The following PCOLCE variants were observed in gnomAD, a reference collection of about 807,000 sequenced individuals.
PCOLCE encodes procollagen C-endopeptidase enhancer.
In PCOLCE, 33 loss-of-function variants were observed where a neutral mutation model predicts 47.2. That is an observed-to-expected ratio of 0.70 (90% CI 0.53 to 0.93). The LOEUF (loss-of-function observed/expected upper bound fraction) is 0.93. Among genes scored for constraint, PCOLCE ranks in the 40% least tolerant of loss-of-function variants. PCOLCE has a pLI of 0.00. For synonymous variants in PCOLCE, 254 were observed against 252.5 expected (o/e 1.01, Z -0.06); for missense variants, 584 against 585.3 (o/e 1.00, Z 0.02).
Position 100,603,489 on chromosome 7 carries a change from G to A in PCOLCE, c.155G>A (p.Gly52Glu). ...GAATCAGGTTACGTGGCAAGTGAGG[G>A]GTTCCCCAACCTCTACCCCCCTAAT... is the stretch of plus-strand genomic sequence containing the variant. ...KGESGYVASE[G>E]FPNLYPPNKE... is the part of the protein sequence containing the mutation. Residue 52 changes from glycine (G) to glutamate (E), a missense_variant, in exon 2 of 9, where the codon GGG becomes GAG. Physicochemically the swap from Gly to Glu is moderately conservative, Grantham distance 98. Coordinates refer to ENST00000223061, the MANE Select transcript of PCOLCE (RefSeq NM_002593.4). The A allele has an allele frequency of 1.9e-6, 3 of 1,607,068 alleles. No individual in the cohort carries two copies. Among genetic ancestry groups the A allele is most frequent in the African/African-American group, 1.3e-5 (1 of 74,500 alleles).
Position 100,605,589 on chromosome 7 carries a change from G to A in PCOLCE, c.589-87G>A. The A allele has an allele frequency of 6.8e-7, 1 of 1,475,716 alleles. No homozygotes were observed. Among genetic ancestry groups the A allele is most frequent in the South Asian group, 1.3e-5 (1 of 76,450 alleles). The allele number at this position is 1,475,716 out of a possible 1,614,324, so 91.4% of individuals were successfully genotyped here. A position where few individuals can be genotyped will look rare whatever the true frequency, so the allele number is the denominator to read the frequency against. On this transcript the variant is annotated intron_variant, in intron 4 of 8. Coordinates refer to ENST00000223061, the MANE Select transcript of PCOLCE (RefSeq NM_002593.4). This position sits in a 1 kb window ranked among gnomAD's most constrained non-coding sequence, Gnocchi z 6.1. Reference sequence around the variant, plus strand: ...CCAGAGGACGCGGGAGGTGGGAGTGGGAGCTGCTGCAGGCACCCAGTAGGA... The same window carrying A: ...CCAGAGGACGCGGGAGGTGGGAGTGAGAGCTGCTGCAGGCACCCAGTAGGA...
chr7:100,606,545 C>A lies in PCOLCE; in HGVS notation c.855C>A (p.Gly285=). 1.2e-6 allele frequency: 2 copies of A among 1,614,194 alleles called. No homozygotes were observed. The highest frequency in any genetic ancestry group is 1.7e-6 in the Non-Finnish European group (2 of 1,180,000). Reference sequence around the variant, plus strand: ...CTGCCAAAGAAGGGCAAGGGCCCGGCCCCAAACGGGGAACTGAGCCTAAAG... The same window carrying A: ...CTGCCAAAGAAGGGCAAGGGCCCGGACCCAAACGGGGAACTGAGCCTAAAG... ...RGTAKEGQGP[G]PKRGTEPKVK... is the part of the protein sequence containing the mutation. Residue 285 remains glycine, a synonymous_variant, in exon 6 of 9, where the codon GGC becomes GGA. Transcript: ENST00000223061.
In PCOLCE at chr7:100,607,667, G is replaced by A. The variant is rs771099809; in HGVS notation, c.1043G>A (p.Arg348Gln). 9 of 1,613,952 alleles carry A rather than the reference G, an allele frequency of 5.6e-6. No individual in the cohort carries two copies. The highest frequency in any genetic ancestry group is 2.7e-5 in the African/African-American group (2 of 74,882). ...VVTATVKSMV[R>Q]EPGEGLAVTV... ...ACTGCGACAGTGAAGTCCATGGTTCGGGAGCCAGGGGAGGGCCTTGCCGTG... is the reference window on the plus strand; with the variant it reads ...ACTGCGACAGTGAAGTCCATGGTTCAGGAGCCAGGGGAGGGCCTTGCCGTG... Residue 348 changes from arginine (R) to glutamine (Q), a missense_variant, in exon 8 of 9, where the codon CGG becomes CAG. By Grantham distance (43) the Arg-to-Gln change is conservative. Coordinates refer to ENST00000223061, the MANE Select transcript of PCOLCE (RefSeq NM_002593.4).
Position 100,606,500 on chromosome 7 carries a change from C to T in PCOLCE, c.810C>T (p.Tyr270=), listed in dbSNP as rs189524054. The change falls in exon 6 of 9, where the codon TAC becomes TAT. Residue 270 remains tyrosine (Y), a synonymous_variant. Coordinates refer to ENST00000223061, the MANE Select transcript of PCOLCE (RefSeq NM_002593.4). The part of the protein sequence containing the change: ...SVTADGFSAS[Y]KTLPRGTAKE... ...CCGCTGATGGCTTCTCAGCCTCCTA[C>T]AAGACCCTGCCGCGGGGCACTGCCA... 3.5e-5 allele frequency: 56 copies of T among 1,614,180 alleles called. No homozygotes were observed. In the East Asian group the frequency reaches 1.2e-3, roughly 35 times the overall value.
chr7:100,605,422 G>C lies in PCOLCE; in HGVS notation c.588+207G>C. On this transcript the variant is annotated intron_variant, in intron 4 of 8. Transcript: ENST00000223061. This position sits in a 1 kb window ranked among gnomAD's most constrained non-coding sequence, Gnocchi z 6.1. ...AAGTCTCAGGAGAGCGAGGTACAGGGTCCTGGTATAACACGCGGGCCTGTC... is the reference window on the plus strand; with the variant it reads ...AAGTCTCAGGAGAGCGAGGTACAGGCTCCTGGTATAACACGCGGGCCTGTC... 1.5e-6 allele frequency: 1 copy of C among 665,186 alleles called. No homozygotes were observed. The allele number at this position is 665,186 out of a possible 1,614,324, so 41.2% of individuals were successfully genotyped here.
rs1302077070 is a variant in PCOLCE, at chr7:100,605,199, T to C, written c.572T>C (p.Ile191Thr). 6.2e-7 allele frequency: 1 copy of C among 1,612,038 alleles called. No homozygotes were observed. Among genetic ancestry groups the C allele is most frequent in the Non-Finnish European group, 8.5e-7 (1 of 1,179,102 alleles). ...PPGISCSWHI[I>T]APPDQVIALT... ...GGCATCAGCTGTTCCTGGCACATCATCGCGCCCCCGGACCAGGTACCGACC... is the reference window on the plus strand; with the variant it reads ...GGCATCAGCTGTTCCTGGCACATCACCGCGCCCCCGGACCAGGTACCGACC... Residue 191 changes from isoleucine to threonine, a missense_variant, in exon 4 of 9, where the codon ATC becomes ACC. Physicochemically the swap from Ile to Thr is moderately conservative, Grantham distance 89. Transcript: ENST00000223061. This position sits in a 1 kb window ranked among gnomAD's most constrained non-coding sequence, Gnocchi z 6.1.
chr7:100,607,090 C>CAAAAAAA (rs559618495), intron 6 of PCOLCE, among the ~76,000 whole-genome samples: 2 of 105,256 alleles, frequency 1.9e-5, no homozygotes, highest in African/African-American at 3.8e-5. Context: ...GATTCTGTCT[C>CAAAAAAA]AAAAAAAAAA....
chr7:100,606,324 G>A, intron 5 of PCOLCE, 92 bp from the exon 6 acceptor site: 2 of 863,306 alleles, frequency 2.3e-6, no homozygotes, highest in Non-Finnish European at 3.7e-6. Context: ...GTGAGACCCT[G>A]TCTCAAACAA....
intron 2 of PCOLCE, 36 bp downstream of exon 2, chr7:100,603,574 G>T: frequency 2.6e-6 from 3 of 1,153,296 alleles, no homozygotes; most frequent in Middle Eastern, 2.0e-4. Flanking sequence ...CCTTGTTAAA[G>T]TCTCAGAGGC....
chr7:100,603,177 G>A (rs1802643683), intron 1 of PCOLCE: 1 of 392,932 alleles, frequency 2.5e-6, no homozygotes, highest in Non-Finnish European at 4.5e-6. Flanking sequence ...CTGTTGGGGT[G>A]GGGGTGGGGA....
rs1173967818 is a variant in PCOLCE at position 100,605,952 on chromosome 7, C to T, written c.725+140C>T. On this transcript the variant is annotated intron_variant, in intron 5 of 8. Coordinates refer to ENST00000223061, the MANE Select transcript of PCOLCE (RefSeq NM_002593.4). The surrounding 1 kb of genome is among the most constrained non-coding windows in gnomAD (Gnocchi z 6.1). ...ACCGGCGAGGGGAGCAGGTTGGAGG[C>T]CAGGCAAAGAGGAGATTTGGCCCCG... The T allele has an allele frequency of 8.1e-6, 8 of 984,056 alleles. No individual in the cohort carries two copies. Among genetic ancestry groups the T allele is most frequent in the Non-Finnish European group, 8.8e-6 (6 of 682,444 alleles). The allele number at this position is 984,056 out of a possible 1,614,324, so 61.0% of individuals were successfully genotyped here. A position where few individuals can be genotyped will look rare whatever the true frequency, so the allele number is the denominator to read the frequency against.
intron 6 of PCOLCE, 65 bp downstream of exon 6, chr7:100,606,695 C>A: frequency 1.5e-6 from 2 of 1,294,808 alleles, no homozygotes; most frequent in Non-Finnish European, 2.1e-6. Flanking sequence ...AAGTTCTGAC[C>A]TGGGCTGTGG....
At chr7:100,607,884 C>T in intron 8 of PCOLCE, 53 bp from the exon 9 acceptor site, 1 of 1,611,704 alleles carries the variant, frequency 6.2e-7, no homozygotes, top group East Asian at 2.2e-5. Flanking sequence ...ATCTTGAGAC[C>T]TGCTGACAGG....
rs759981784 is a variant in PCOLCE at position 100,603,509 on chromosome 7, C to G, written c.175C>G (p.Pro59Ala). 9 of 1,599,938 alleles carry G rather than the reference C, an allele frequency of 5.6e-6. No individual in the cohort carries two copies. The highest frequency in any genetic ancestry group is 3.4e-5 in the Admixed American group (2 of 58,482). The change falls in exon 2 of 9, where the codon CCT (proline) becomes GCT (alanine). Residue 59 changes from proline to alanine, a missense_variant. Pro to Ala is a conservative substitution (Grantham distance 27). Coordinates refer to ENST00000223061, the MANE Select transcript of PCOLCE (RefSeq NM_002593.4). Reference sequence around the variant, plus strand: ...TGAGGGGTTCCCCAACCTCTACCCCCCTAATAAGGAGTGCATCTGGACCAT... The same window carrying G: ...TGAGGGGTTCCCCAACCTCTACCCCGCTAATAAGGAGTGCATCTGGACCAT... ...ASEGFPNLYP[P>A]NKECIWTITV... is the part of the protein sequence containing the mutation.
intron 1 of PCOLCE, chr7:100,603,159 G>C: frequency 2.7e-6 from 1 of 368,506 alleles, no homozygotes; most frequent in East Asian, 4.8e-5. Flanking sequence ...GGAGGATTCC[G>C]GGAATTCCTG....
At position 100,607,967 on chromosome 7, in the gene PCOLCE, A is replaced by G. The variant is rs1329412732; in HGVS notation, c.1214A>G (p.Glu405Gly). Residue 405 changes from glutamate (E) to glycine (G), a missense_variant, in exon 9 of 9, where the codon GAA becomes GGA. By Grantham distance (98) the Glu-to-Gly change is moderately conservative. Coordinates refer to ENST00000223061, the MANE Select transcript of PCOLCE (RefSeq NM_002593.4). Reference sequence around the variant, plus strand: ...AGTTATCTGCTGATGGGCCAGGTAGAAGAGAACAGAGGCCCCGTCCTTCCT... The same window carrying G: ...AGTTATCTGCTGATGGGCCAGGTAGGAGAGAACAGAGGCCCCGTCCTTCCT... ...GVSYLLMGQVEENRGPVLPPE... is the reference protein window; with the variant it reads ...GVSYLLMGQVGENRGPVLPPE... 6.2e-7 allele frequency: 1 copy of G among 1,614,044 alleles called. No homozygotes were observed. The highest frequency in any genetic ancestry group is 8.5e-7 in the Non-Finnish European group (1 of 1,180,026).
rs768105213 is a variant in PCOLCE, at chr7:100,607,675, G to C, written c.1051G>C (p.Gly351Arg). The change falls in exon 8 of 9, where the codon GGG (glycine) becomes CGG (arginine). Residue 351 changes from glycine (G) to arginine (R), a missense_variant. Gly to Arg is a moderately radical substitution (Grantham distance 125). Transcript: ENST00000223061. ...AGTGAAGTCCATGGTTCGGGAGCCA[G>C]GGGAGGGCCTTGCCGTGACTGTCAG... ...ATVKSMVREP[G>R]EGLAVTVSLI... 6.2e-7 allele frequency: 1 copy of C among 1,614,110 alleles called. No individual in the cohort carries two copies. Among genetic ancestry groups the C allele is most frequent in the East Asian group, 2.2e-5 (1 of 44,872 alleles).
At chr7:100,603,179 G>A in intron 1 of PCOLCE, 1 of 397,258 alleles carries the variant, frequency 2.5e-6, no homozygotes, top group Non-Finnish European at 4.4e-6. Context: ...GTTGGGGTGG[G>A]GGTGGGGACT....
At position 100,607,615 on chromosome 7, in the gene PCOLCE, TCTCA is replaced by T; in HGVS notation, c.1013-18_1013-15del. The T allele has an allele frequency of 1.2e-6, 2 of 1,612,944 alleles. No homozygotes were observed. Among genetic ancestry groups the T allele is most frequent in the Middle Eastern group, 1.6e-4 (1 of 6,062 alleles). Reference sequence around the variant, plus strand: ...ATCTGGAACCTCCCATCTCCTCATCTCTCACTCCCATTCTCCCACAGTGGTGACT... The same window carrying T: ...ATCTGGAACCTCCCATCTCCTCATCTCTCCCATTCTCCCACAGTGGTGACT... On this transcript the variant is annotated intron_variant, in intron 7 of 8. Transcript: ENST00000223061.
Sources: allele counts gnomAD v4.1 joint callset (sites outside exome capture counted in the v4.1 genomes callset), GRCh38; gene constraint gnomAD v4.1.1; non-coding constraint Gnocchi (gnomAD v3.1); transcripts MANE v1.5; gene names NCBI Gene and HGNC (gene_info 2026-07-23, HGNC 2026-07-21).